The following GRIA3 variants were observed in gnomAD, a reference collection of about 807,000 sequenced individuals.
GRIA3 encodes the protein glutamate receptor 3.
Under a neutral mutation model 63.0 loss-of-function variants are expected in GRIA3, and 3 were observed. The observed-to-expected ratio is 0.05, with a 90% CI of 0.02 to 0.12. The LOEUF is 0.12. GRIA3 is among the 10% of genes least tolerant of loss of function. The pLI, the probability that GRIA3 is intolerant of heterozygous loss-of-function variation, is 1.00. For synonymous variants in GRIA3, 274 were observed against 257.9 expected, an observed-to-expected ratio of 1.06 and a Z score of -0.60; for missense variants, 347 against 700.9, an observed-to-expected ratio of 0.50 and a Z score of 5.70.
At chrX:123,194,721 C>T (rs767337857) in intron 2 of GRIA3, among the ~76,000 whole-genome samples, 7 of 112,224 alleles carry the variant, frequency 6.2e-5, no homozygotes, top group African/African-American at 1.6e-4. Context: ...GCGATACTAA[C>T]GCATACTCAG....
At chrX:123,214,690 G>A (rs746732027) in intron 2 of GRIA3, among the ~76,000 whole-genome samples, 20 of 112,031 alleles carry the variant, frequency 1.8e-4, no homozygotes, top group Non-Finnish European at 3.2e-4. Flanking sequence ...CATTCATAAT[G>A]CACATGAACC....
intron 15 of GRIA3, among the ~76,000 whole-genome samples, chrX:123,485,764 A>C (rs1193093599): frequency 1.8e-5 from 2 of 111,652 alleles, no homozygotes; most frequent in Admixed American, 1.9e-4. Context: ...CTGAGAATTT[A>C]TGTCCCTACT....
At chrX:123,413,355 A>C (rs2045517484) in intron 10 of GRIA3, among the ~76,000 whole-genome samples, 1 of 108,960 alleles carries the variant, frequency 9.2e-6, no homozygotes, top group Non-Finnish European at 1.9e-5. Context: ...AAAGATGAAA[A>C]ATACTGGTTA....
At chrX:123,284,140 G>T (rs2044603374) in intron 3 of GRIA3, among the ~76,000 whole-genome samples, 1 of 112,379 alleles carries the variant, frequency 8.9e-6, no homozygotes, top group Non-Finnish European at 1.9e-5. Flanking sequence ...AACTCCAGCA[G>T]ACTGGCAGCA....
chrX:123,251,728 C>T (rs1233845837), intron 2 of GRIA3, among the ~76,000 whole-genome samples: 1 of 111,815 alleles, frequency 8.9e-6, no homozygotes, highest in Non-Finnish European at 1.9e-5. Flanking sequence ...GCCACCGCGA[C>T]GGGATTTTTC....
chrX:123,246,800 TCAA>T (rs1213861178), intron 2 of GRIA3, among the ~76,000 whole-genome samples: 1 of 106,569 alleles, frequency 9.4e-6, no homozygotes, highest in Non-Finnish European at 1.9e-5. Context: ...TCATTTATCA[TCAA>T]CATCATCATT....
intron 4 of GRIA3, among the ~76,000 whole-genome samples, chrX:123,347,614 C>T (rs1461448563): frequency 1.3e-4 from 14 of 111,420 alleles, no homozygotes; most frequent in Non-Finnish European, 2.6e-4. Flanking sequence ...TTTCTCTTCC[C>T]TCCCCACTCG....
chrX:123,358,092 C>G (rs1448688308), intron 5 of GRIA3, among the ~76,000 whole-genome samples: 2 of 110,504 alleles, frequency 1.8e-5, no homozygotes, highest in African/African-American at 3.3e-5. Flanking sequence ...GAGAGAGAGA[C>G]AGAGACAGAG....
At chrX:123,257,212 T>A (rs1162369737) in intron 3 of GRIA3, among the ~76,000 whole-genome samples, 1 of 111,867 alleles carries the variant, frequency 8.9e-6, no homozygotes, top group African/African-American at 3.3e-5. Flanking sequence ...TCCAGTGTGA[T>A]AATAAACAAC....
chrX:123,353,040 CACACACACACACACAA>C (rs1351797601), intron 4 of GRIA3, among the ~76,000 whole-genome samples: 1 of 108,337 alleles, frequency 9.2e-6, no homozygotes, highest in Non-Finnish European at 1.9e-5. Context: ...CACACACACA[CACACACACACACACAA>C]ACACACACAC....
In GRIA3 at chrX:123,184,630, A is replaced by T. The variant is rs1026232576; in HGVS notation, c.95A>T (p.Asn32Ile). ...LLGHSHGGFP[N>I]TISIGGLFMR... ...GGTCATTCTCACGGAGGATTCCCCA[A>T]CACCATCAGCATAGGTAAGCGCAAG... The change falls in exon 1 of 16, where the codon AAC becomes ATC. Residue 32 changes from asparagine to isoleucine, a missense_variant. Asn to Ile is a moderately radical substitution (Grantham distance 149, BLOSUM62 -3). Coordinates refer to ENST00000620443, the MANE Select transcript of GRIA3 (RefSeq NM_007325.5). 52 of 1,189,149 alleles carry T rather than the reference A, an allele frequency of 4.4e-5. No homozygotes were observed. Among genetic ancestry groups the T allele is most frequent in the Non-Finnish European group, 5.5e-5 (48 of 877,836 alleles).
At chrX:123,267,114 T>C (rs1366060997) in intron 3 of GRIA3, among the ~76,000 whole-genome samples, 2 of 112,116 alleles carry the variant, frequency 1.8e-5, no homozygotes, top group Non-Finnish European at 3.8e-5. Flanking sequence ...CAATAGTGCC[T>C]GGATTATTAT....
chrX:123,186,864 T>C (rs1927292386), intron 2 of GRIA3, among the ~76,000 whole-genome samples: 1 of 112,054 alleles, frequency 8.9e-6, no homozygotes, highest in Non-Finnish European at 1.9e-5. Context: ...TCCTTAGTTG[T>C]ACCGGGTGAT....
chrX:123,226,094 A>G (rs896563832), intron 2 of GRIA3, among the ~76,000 whole-genome samples: 13 of 111,680 alleles, frequency 1.2e-4, no homozygotes, highest in Non-Finnish European at 2.5e-4. Context: ...ACTTGGTCCT[A>G]GAAAAGGCCC....
chrX:123,214,195 A>G (rs1157062174), intron 2 of GRIA3, among the ~76,000 whole-genome samples: 1 of 112,453 alleles, frequency 8.9e-6, no homozygotes, highest in African/African-American at 3.2e-5. Flanking sequence ...GATAAGCTGA[A>G]TTTATTTTCA....
chrX:123,229,713 T>C (rs2044266481), intron 2 of GRIA3, among the ~76,000 whole-genome samples: 1 of 112,187 alleles, frequency 8.9e-6, no homozygotes, highest in Non-Finnish European at 1.9e-5. Context: ...GATTGGTTCA[T>C]CACAGAAATC....
At chrX:123,351,743 C>G (rs1284534148) in intron 4 of GRIA3, among the ~76,000 whole-genome samples, 1 of 111,834 alleles carries the variant, frequency 8.9e-6, no homozygotes, top group Non-Finnish European at 1.9e-5. Flanking sequence ...ACTGGAAAAC[C>G]AAGATTGGTA....
At chrX:123,211,363 G>C (rs1287398389) in intron 2 of GRIA3, among the ~76,000 whole-genome samples, 2 of 111,280 alleles carry the variant, frequency 1.8e-5, no homozygotes, top group Non-Finnish European at 3.8e-5. Context: ...TAATTAAAAG[G>C]CAGTAATGCA....
rs192081585 is a variant in GRIA3 at position 123,191,189 on chromosome X, A to G, written c.268+5199A>G. ...TCATAAAACCATCTATCTTCAATGAAGGTCAAGCAAATAATCTGTATACTT... is the reference window on the plus strand; with the variant it reads ...TCATAAAACCATCTATCTTCAATGAGGGTCAAGCAAATAATCTGTATACTT... On this transcript the variant is annotated intron_variant, in intron 2 of 15. Coordinates refer to ENST00000620443, the MANE Select transcript of GRIA3 (RefSeq NM_007325.5). Among the ~76,000 whole-genome samples the G allele has an allele frequency of 3.9e-3, 436 of 112,632 alleles. 1 individual carries two copies. Among genetic ancestry groups the G allele is most frequent in the Non-Finnish European group, 5.6e-3 (300 of 53,339 alleles).
Sources: allele counts gnomAD v4.1 joint callset (sites outside exome capture counted in the v4.1 genomes callset), GRCh38; gene constraint gnomAD v4.1.1; transcripts MANE v1.5; gene names NCBI Gene and HGNC (gene_info 2026-07-23, HGNC 2026-07-21).